The following DNAJB1 variants were observed in gnomAD, a reference collection of about 807,000 sequenced individuals.
The protein encoded by DNAJB1 is dnaJ homolog subfamily B member 1.
A neutral mutation model predicts 24.0 loss-of-function variants in DNAJB1; 14 were observed. That is an observed-to-expected ratio of 0.58 (90% confidence interval 0.39 to 0.91). The LOEUF is 0.91. DNAJB1 is among the 40% of genes least tolerant of loss of function. DNAJB1 has a pLI of 0.00. For synonymous variants in DNAJB1, 262 were observed against 174.4 expected (o/e 1.50, Z -3.96); for missense variants, 517 against 458.1 (o/e 1.13, Z -1.17).
Position 14,515,621 on chromosome 19 carries a change from TCTG to T in DNAJB1, c.*316_*318del. On this transcript the variant is annotated 3_prime_UTR_variant, in exon 3 of 3. Transcript: ENST00000254322. ...AAAAGACACAGAGGGATCAAGTCCA[TCTG>T]CTGGTCTGCCTCTCACCCCTGGCCA... 2.9e-6 allele frequency: 1 copy of T among 344,110 alleles called. No individual in the cohort carries two copies. The highest frequency in any genetic ancestry group is 5.4e-6 in the Non-Finnish European group (1 of 186,888). 21.3% of individuals were successfully genotyped at this position (344,110 alleles called of 1,614,324 possible). A position where few individuals can be genotyped will look rare whatever the true frequency, so the allele number is the denominator to read the frequency against.
chr19:14,533,156 C>T (rs1376374568), upstream of DNAJB1, among the ~76,000 whole-genome samples: 4 of 151,832 alleles, frequency 2.6e-5, 1 homozygote, highest in East Asian at 7.7e-4. Context: ...CACAGTGGCT[C>T]ATGCCTGTAA....
chr19:14,519,031 G>A (rs1373356769), upstream of DNAJB1, among the ~76,000 whole-genome samples: 4 of 152,196 alleles, frequency 2.6e-5, no homozygotes, highest in African/African-American at 4.8e-5. Context: ...CTAGGAGTTG[G>A]AGACCAGCCT....
chr19:14,542,362 T>TTTTTTTTTG, intron 1 of DNAJB1, among the ~76,000 whole-genome samples: 1 of 129,904 alleles, frequency 7.7e-6, no homozygotes, highest in East Asian at 2.2e-4. Context: ...TTTTTTTTTT[T>TTTTTTTTTG]TTTTTTTTTT....
intron 1 of DNAJB1, among the ~76,000 whole-genome samples, chr19:14,537,363 A>C (rs1417692482): frequency 1.3e-5 from 2 of 151,872 alleles, no homozygotes; most frequent in Admixed American, 1.3e-4. Flanking sequence ...TGCCAGGTGG[A>C]GTAGCTGTTT....
At chr19:14,529,773 G>A, upstream of DNAJB1, 2 of 1,609,578 alleles carry the variant, frequency 1.2e-6, no homozygotes, top group Non-Finnish European at 1.7e-6. Flanking sequence ...CCTTCTTTGC[G>A]GGACCACGGG....
At chr19:14,526,106 T>C (rs1455568118) in intron 2 of DNAJB1, among the ~76,000 whole-genome samples, 1 of 152,218 alleles carries the variant, frequency 6.6e-6, no homozygotes, top group African/African-American at 2.4e-5. Context: ...TCAAATGGTC[T>C]CGGGTTCCCC....
At chr19:14,550,314 G>A (rs2073452757) in exon 1 of DNAJB1, among the ~76,000 whole-genome samples, 1 of 152,144 alleles carries the variant, frequency 6.6e-6, no homozygotes, top group African/African-American at 2.4e-5. Flanking sequence ...GCCGCCGCGT[G>A]TATAAAGCCT....
At chr19:14,527,198 T>TTTTTTGTG (rs2072443388) in intron 2 of DNAJB1, among the ~76,000 whole-genome samples, 1 of 96,574 alleles carries the variant, frequency 1.0e-5, no homozygotes, top group South Asian at 3.8e-4. Context: ...TTTTTTTTTT[T>TTTTTTGTG]GAGACGGAGT....
chr19:14,560,168 A>T (rs989939035), exon 1 of DNAJB1, among the ~76,000 whole-genome samples: 1 of 152,008 alleles, frequency 6.6e-6, no homozygotes, highest in Non-Finnish European at 1.5e-5. Flanking sequence ...GCTAGCCGGG[A>T]CCCCGATGGC....
At chr19:14,553,296 A>G (rs557608675), upstream of DNAJB1, among the ~76,000 whole-genome samples, 20 of 152,242 alleles carry the variant, frequency 1.3e-4, no homozygotes, top group African/African-American at 4.3e-4. Flanking sequence ...GCCCAGAGAC[A>G]TTGGCATTGA....
At chr19:14,545,406 C>G (rs1045813066) in intron 1 of DNAJB1, among the ~76,000 whole-genome samples, 17 of 152,218 alleles carry the variant, frequency 1.1e-4, no homozygotes, top group Admixed American at 7.2e-4. Flanking sequence ...CCTCTGGGCC[C>G]TCTGCACCGC....
intron 1 of DNAJB1, among the ~76,000 whole-genome samples, chr19:14,558,364 C>T (rs185031762): frequency 7.9e-5 from 12 of 152,284 alleles, no homozygotes; most frequent in African/African-American, 2.2e-4. Context: ...CTGTTGCTTG[C>T]GGCACTCCCC....
At chr19:14,531,732 C>T (rs1275034198), upstream of DNAJB1, 1 of 152,158 alleles carries the variant, frequency 6.6e-6, no homozygotes, top group African/African-American at 2.4e-5. Flanking sequence ...CCTTAGAAGC[C>T]TTTAACCCAC....
upstream of DNAJB1, chr19:14,533,931 A>AGATGAGACTCAAAGC (rs1346191534): frequency 6.6e-6 from 1 of 152,088 alleles, no homozygotes; most frequent in African/African-American, 2.4e-5. Flanking sequence ...TTGCCACTGC[A>AGATGAGACTCAAAGC]GATGAGACTC....
rs747348455 is a variant in DNAJB1 at position 14,535,543 on chromosome 19, AATATATATAT to A, written c.-213-7743_-213-7734del. Among the ~76,000 whole-genome samples the A allele has an allele frequency of 7.5e-3, 244 of 32,668 alleles. 4 individuals are homozygous for A. The highest frequency in any genetic ancestry group is 0.013 in the African/African-American group (75 of 5,716). 21.4% of individuals were successfully genotyped at this position (32,668 alleles called of 152,430 possible). ...AAAAAAAAAAAAAAAAAAAAAAAAAAATATATATATATATATATATATATATATATATATA... is the reference window on the plus strand; with the variant it reads ...AAAAAAAAAAAAAAAAAAAAAAAAAAATATATATATATATATATATATATA... On this transcript the variant is annotated intron_variant, in intron 1 of 3. Transcript: ENST00000676982.
rs1333121217 is a variant in DNAJB1, at chr19:14,515,071, C to T, written c.*869G>A. On this transcript the variant is annotated 3_prime_UTR_variant, in exon 3 of 3. Coordinates refer to ENST00000254322, the MANE Select transcript of DNAJB1 (RefSeq NM_006145.3). ...GTGCTCCTGTAATCAGAAGCAAAGA[C>T]CCTTTTATCAAAAGGGATTGTATCT... The T allele has an allele frequency of 6.6e-6, 1 of 152,528 alleles. No homozygotes were observed. The highest frequency in any genetic ancestry group is 1.5e-5 in the Non-Finnish European group (1 of 68,024). 9.4% of individuals were successfully genotyped at this position (152,528 alleles called of 1,614,324 possible). A position where few individuals can be genotyped will look rare whatever the true frequency, so the allele number is the denominator to read the frequency against.
At chr19:14,543,041 G>T (rs1364694980) in intron 1 of DNAJB1, among the ~76,000 whole-genome samples, 1 of 146,718 alleles carries the variant, frequency 6.8e-6, no homozygotes, top group Non-Finnish European at 1.5e-5. Context: ...TGGCCAGAGC[G>T]TGGGATCTGG....
At chr19:14,538,657 C>G (rs2113135) in intron 1 of DNAJB1, among the ~76,000 whole-genome samples, 3 of 150,330 alleles carry the variant, frequency 2.0e-5, no homozygotes, top group Non-Finnish European at 3.0e-5. Context: ...CTCAGCCTCC[C>G]GAGTAGCTGG....
At position 14,518,293 on chromosome 19, in the gene DNAJB1, C is replaced by A. The variant is rs1287106631; in HGVS notation, c.57G>T (p.Glu19Asp). ...CCTGGCGGCGGTAGGCCCGCTTGAT[C>A]TCCTCGTCCGACGCGCCGCGGGCCA... is the stretch of plus-strand genomic sequence containing the variant. ...LGLARGASDE[E>D]IKRAYRRQAL... Residue 19 changes from glutamate (E) to aspartate (D), a missense_variant, in exon 1 of 3, where the codon GAG becomes GAT. Physicochemically the swap from Glu to Asp is conservative, Grantham distance 45. Coordinates refer to ENST00000254322, the MANE Select transcript of DNAJB1 (RefSeq NM_006145.3). 2 of 1,609,466 alleles carry A rather than the reference C, an allele frequency of 1.2e-6. No homozygotes were observed. Among genetic ancestry groups the A allele is most frequent in the South Asian group, 1.1e-5 (1 of 90,844 alleles).
Sources: gnomAD v4.1 joint callset for allele counts (sites outside exome capture counted in the v4.1 genomes callset) on GRCh38, gnomAD v4.1.1 for gene constraint, MANE v1.5 for transcripts, NCBI Gene and HGNC (gene_info 2026-07-23, HGNC 2026-07-21) for gene names.